ARHGEF38: variants seen among roughly 807,000 people sequenced by gnomAD.
The protein encoded by ARHGEF38 is Rho guanine nucleotide exchange factor (GEF) 38.
In ARHGEF38, 79 loss-of-function variants were observed where a neutral mutation model predicts 79.9. The ratio of observed to expected loss-of-function variants is 0.99; its 90% CI spans 0.82 to 1.19. The LOEUF (loss-of-function observed/expected upper bound fraction) is 1.19. Ranked by LOEUF, ARHGEF38 falls within the 50% of genes most tolerant of loss-of-function variation. The probability of loss-of-function intolerance (pLI) is 0.00; values close to 1 mark genes in which losing one functional copy is unlikely to be tolerated. For synonymous variants in ARHGEF38, 366 were observed against 328.3 expected (o/e 1.11, Z -1.24); for missense variants, 962 against 907.2 (o/e 1.06, Z -0.78).
chr4:105,665,646 G>A (rs942606920), intron 10 of ARHGEF38, among the ~76,000 whole-genome samples: 7 of 152,050 alleles, frequency 4.6e-5, no homozygotes, highest in Non-Finnish European at 8.8e-5. Context: ...ACATTGCCCA[G>A]GCTGGTCTCA....
intron 1 of ARHGEF38, among the ~76,000 whole-genome samples, chr4:105,583,037 T>A (rs909273125): frequency 1.3e-5 from 2 of 152,212 alleles, no homozygotes; most frequent in African/African-American, 2.4e-5. Context: ...ATAAATGGCA[T>A]ATAGTTGTTG....
chr4:105,675,470 C>T (rs1244764752), intron 13 of ARHGEF38, among the ~76,000 whole-genome samples: 1 of 152,158 alleles, frequency 6.6e-6, no homozygotes, highest in Middle Eastern at 3.2e-3. Flanking sequence ...CCATGTTCAT[C>T]AATCTCTTGT....
chr4:105,591,389 C>T (rs1310435494), intron 2 of ARHGEF38, among the ~76,000 whole-genome samples: 5 of 152,130 alleles, frequency 3.3e-5, no homozygotes, highest in African/African-American at 7.2e-5. Context: ...CCACCACACC[C>T]GGCTAATTTT....
rs117011008 is a variant in ARHGEF38 at position 105,675,772 on chromosome 4, G to A, written c.2149-1980G>A. Among the ~76,000 whole-genome samples the A allele has an allele frequency of 2.6e-4, 39 of 152,284 alleles. 2 individuals carry two copies. In the East Asian group the frequency reaches 7.5e-3, roughly 29 times the overall value. ...CAGTTTATGTGGTGTTTGCTGAGGG[G>A]CAACTTTCTGGTTCATAGATGGCAC... On this transcript the variant is annotated intron_variant, in intron 13 of 13. Transcript: ENST00000420470.
intron 2 of ARHGEF38, among the ~76,000 whole-genome samples, 179 bp from the exon 3 acceptor site, chr4:105,613,205 T>C (rs912033422): frequency 6.6e-6 from 1 of 152,124 alleles, no homozygotes; most frequent in Admixed American, 6.6e-5. Context: ...AAGTAACAGA[T>C]GCATCATCCC....
chr4:105,667,570 G>C lies in ARHGEF38; in HGVS notation c.2015G>C (p.Arg672Pro), dbSNP rs767209283. ...FENISLFVSS[R>P]PASDSVTGTS... is the part of the protein sequence containing the mutation. ...AACATCAGCCTCTTCGTGTCTTCAC[G>C]GCCAGCTAGTGACAGTGTCACAGGC... The change falls in exon 13 of 14, where the codon CGG becomes CCG. Residue 672 changes from arginine (R) to proline (P), a missense_variant. By Grantham distance (103) the Arg-to-Pro change is moderately radical. Coordinates refer to ENST00000420470, the MANE Select transcript of ARHGEF38 (RefSeq NM_001242729.2). 6 of 1,536,668 alleles carry C rather than the reference G, an allele frequency of 3.9e-6. No homozygotes were observed. The highest frequency in any genetic ancestry group is 5.2e-6 in the Non-Finnish European group (6 of 1,147,048).
intron 2 of ARHGEF38, among the ~76,000 whole-genome samples, chr4:105,590,896 T>C (rs1157608800): frequency 6.6e-6 from 1 of 152,186 alleles, no homozygotes; most frequent in Non-Finnish European, 1.5e-5. Context: ...CTGTTATTCA[T>C]ATCCATGTTT....
rs372064436 is a variant in ARHGEF38, at chr4:105,670,991, A to T, written c.2148+3288A>T. 2.6e-5 allele frequency among the ~76,000 whole-genome samples: 4 copies of T among 152,318 alleles called. No individual in the cohort carries two copies. In the East Asian group the frequency reaches 5.8e-4, roughly 22 times the overall value. ...ACTTCAAAGCAATTTTCTCCAAGCA[A>T]TCCTATCAATATATATAATGTGAAT... On this transcript the variant is annotated intron_variant, in intron 13 of 13. Coordinates refer to ENST00000420470, the MANE Select transcript of ARHGEF38 (RefSeq NM_001242729.2).
At chr4:105,628,524 A>T (rs1729045358) in intron 3 of ARHGEF38, among the ~76,000 whole-genome samples, 2 of 152,136 alleles carry the variant, frequency 1.3e-5, no homozygotes, top group Admixed American at 1.3e-4. Flanking sequence ...TGTTGTTATC[A>T]GTGTTGAAGA....
intron 4 of ARHGEF38, 25 bp from the exon 5 acceptor site, chr4:105,636,378 T>G: frequency 2.4e-6 from 1 of 418,466 alleles, no homozygotes; most frequent in South Asian, 4.6e-5. Context: ...TTACATGAAT[T>G]TACTTTCTTT....
intron 2 of ARHGEF38, among the ~76,000 whole-genome samples, chr4:105,603,911 C>T (rs931629319): frequency 1.3e-5 from 2 of 152,194 alleles, no homozygotes; most frequent in Admixed American, 1.3e-4. Context: ...ATCTCCCGCT[C>T]ACTTTGGTAT....
chr4:105,586,442 T>C (rs191878195), intron 1 of ARHGEF38, among the ~76,000 whole-genome samples: 245 of 152,212 alleles, frequency 1.6e-3, no homozygotes, highest in African/African-American at 5.5e-3. Flanking sequence ...CCCCCACAAA[T>C]TTGTTCTCAA....
chr4:105,663,759 C>T (rs549956110), intron 10 of ARHGEF38, among the ~76,000 whole-genome samples: 3 of 151,956 alleles, frequency 2.0e-5, no homozygotes, highest in Admixed American at 6.6e-5. Flanking sequence ...CACTTGAGGC[C>T]GAGAGTTCAA....
At chr4:105,671,453 G>T (rs1376301013) in intron 13 of ARHGEF38, among the ~76,000 whole-genome samples, 2 of 152,160 alleles carry the variant, frequency 1.3e-5, no homozygotes, top group Non-Finnish European at 2.9e-5. Flanking sequence ...ATGCACATGG[G>T]CCAGTGGTTT....
At chr4:105,553,906 G>A (rs145256662) in intron 1 of ARHGEF38, among the ~76,000 whole-genome samples, 222 of 152,248 alleles carry the variant, frequency 1.5e-3, no homozygotes, top group Middle Eastern at 6.8e-3. Flanking sequence ...CAGAAAGACC[G>A]ATAGGACATG....
At chr4:105,574,002 A>T (rs553075119) in intron 1 of ARHGEF38, among the ~76,000 whole-genome samples, 2 of 151,982 alleles carry the variant, frequency 1.3e-5, no homozygotes, top group South Asian at 4.2e-4. Flanking sequence ...CTTTCTTAAT[A>T]TTTTTTCAGA....
chr4:105,681,055 G>T (rs955608738), downstream of ARHGEF38: 4 of 152,022 alleles, frequency 2.6e-5, no homozygotes, highest in African/African-American at 9.7e-5. Flanking sequence ...TGACCCCAAA[G>T]GGAAATTGGG....
chr4:105,676,931 T>G (rs767619500), intron 13 of ARHGEF38, among the ~76,000 whole-genome samples: 11 of 151,882 alleles, frequency 7.2e-5, no homozygotes, highest in Non-Finnish European at 1.3e-4. Flanking sequence ...GTTATTAGTC[T>G]CAGAAAGCAT....
intron 3 of ARHGEF38, among the ~76,000 whole-genome samples, chr4:105,626,846 T>G (rs1384155063): frequency 6.6e-6 from 1 of 151,550 alleles, no homozygotes; most frequent in African/African-American, 2.4e-5. Context: ...ACCTCTACAG[T>G]CCCTTCTGGA....
Sources: gnomAD v4.1 joint callset for allele counts (sites outside exome capture counted in the v4.1 genomes callset) on GRCh38, gnomAD v4.1.1 for gene constraint, MANE v1.5 for transcripts, NCBI Gene and HGNC (gene_info 2026-07-23, HGNC 2026-07-21) for gene names.